PRKG2: variants seen among roughly 807,000 people sequenced by gnomAD.
The protein encoded by PRKG2 is protein kinase cGMP-dependent 2, also known as cGMP-dependent protein kinase 2.
PRKG2 carries 33 observed loss-of-function variants against 97.2 expected under a neutral mutation model. That is an observed-to-expected ratio of 0.34 (90% CI 0.26 to 0.45). The LOEUF (loss-of-function observed/expected upper bound fraction) is 0.45, where lower values mean the gene tolerates loss of function less well. Among genes scored for constraint, PRKG2 ranks in the 20% least tolerant of loss-of-function variants. The probability of loss-of-function intolerance (pLI) is 1.00; values close to 1 mark genes in which losing one functional copy is unlikely to be tolerated. For missense variants in PRKG2, 638 were observed against 900.0 expected, an observed-to-expected ratio of 0.71 and a Z score of 3.73; for synonymous variants, 330 against 321.8, an observed-to-expected ratio of 1.03 and a Z score of -0.27.
chr4:81,129,012 G>T (rs1745887425), intron 14 of PRKG2, among the ~76,000 whole-genome samples: 1 of 152,106 alleles, frequency 6.6e-6, no homozygotes, highest in Admixed American at 6.6e-5. Flanking sequence ...CTGGTATGTT[G>T]TGTCTTTGTT....
chr4:81,104,485 TATA>T (rs1280850189), intron 16 of PRKG2, 53 bp from the exon 17 acceptor site: 1 of 858,450 alleles, frequency 1.2e-6, no homozygotes, highest in African/African-American at 1.8e-5. Flanking sequence ...TTATAATAAT[TATA>T]ATTCAGAAAA....
At chr4:81,135,440 C>A in intron 13 of PRKG2, 144 bp from the exon 14 acceptor site, 1 of 746,106 alleles carries the variant, frequency 1.3e-6, no homozygotes, top group South Asian at 3.1e-5. Context: ...TTTTATACTA[C>A]CCATGAATTA....
chr4:81,217,365 C>G (rs1170783060), upstream of PRKG2, among the ~76,000 whole-genome samples: 9 of 152,108 alleles, frequency 5.9e-5, no homozygotes, highest in Non-Finnish European at 1.3e-4. Context: ...GCTGTCGATG[C>G]AGTGCAGGCT....
chr4:81,136,811 C>T (rs1746751159), intron 13 of PRKG2, among the ~76,000 whole-genome samples: 1 of 152,126 alleles, frequency 6.6e-6, no homozygotes, highest in Admixed American at 6.5e-5. Flanking sequence ...ACCTAATCTC[C>T]CAAGGAAACT....
chr4:81,113,957 A>G (rs1383703542), intron 14 of PRKG2, among the ~76,000 whole-genome samples: 1 of 152,184 alleles, frequency 6.6e-6, no homozygotes, highest in African/African-American at 2.4e-5. Flanking sequence ...ATATGGGATG[A>G]ATGAGTCTTT....
At chr4:81,100,346 T>C (rs555788382) in intron 17 of PRKG2, among the ~76,000 whole-genome samples, 1 of 152,194 alleles carries the variant, frequency 6.6e-6, no homozygotes, top group Non-Finnish European at 1.5e-5. Flanking sequence ...AAACAGCATG[T>C]TACTGGTACC....
chr4:81,191,948 G>A (rs1752559217), intron 2 of PRKG2, among the ~76,000 whole-genome samples: 1 of 152,076 alleles, frequency 6.6e-6, no homozygotes, highest in Admixed American at 6.6e-5. Context: ...TGGATATAAT[G>A]TACTACCCAG....
intron 5 of PRKG2, among the ~76,000 whole-genome samples, chr4:81,167,523 T>G (rs1365585510): frequency 6.6e-6 from 1 of 152,132 alleles, no homozygotes; most frequent in African/African-American, 2.4e-5. Flanking sequence ...ACATTTGTTG[T>G]TGGTTTTCAC....
chr4:81,121,496 G>A (rs1745065242), intron 14 of PRKG2, among the ~76,000 whole-genome samples: 1 of 152,140 alleles, frequency 6.6e-6, no homozygotes, highest in Non-Finnish European at 1.5e-5. Flanking sequence ...GGCCTATTCA[G>A]ATTGCCTATT....
rs547098263 is a variant in PRKG2 at position 81,163,540 on chromosome 4, C to A, written c.912+3621G>T. Among the ~76,000 whole-genome samples, 8 of 152,228 alleles carry A rather than the reference C, an allele frequency of 5.3e-5. No individual in the cohort carries two copies. In the East Asian group the frequency reaches 9.7e-4, roughly 18 times the overall value. On this transcript the variant is annotated intron_variant, in intron 6 of 18. Coordinates refer to ENST00000264399, the MANE Select transcript of PRKG2 (RefSeq NM_006259.3). The stretch of plus-strand genomic sequence containing the variant: ...TTTTTCAAAATAATACTTATACTTA[C>A]TATTCTGATTTTTTAAATGTTCCTC...
intron 17 of PRKG2, among the ~76,000 whole-genome samples, chr4:81,097,999 G>T (rs575358091): frequency 7.9e-5 from 12 of 152,248 alleles, no homozygotes; most frequent in African/African-American, 2.9e-4. Flanking sequence ...GAGGCAAGTT[G>T]ATTGGATTGA....
chr4:81,126,179 C>T (rs2110011205), intron 14 of PRKG2, among the ~76,000 whole-genome samples: 1 of 152,312 alleles, frequency 6.6e-6, no homozygotes, highest in South Asian at 2.1e-4. Context: ...TTTCCAGCTT[C>T]ATCCATGTCC....
At chr4:81,148,836 T>A (rs762134472) in intron 9 of PRKG2, 48 bp downstream of exon 9, 2 of 1,528,600 alleles carry the variant, frequency 1.3e-6, no homozygotes, top group Non-Finnish European at 1.8e-6. Context: ...GAAGGCCAAG[T>A]CTTCAAAGGT....
intron 14 of PRKG2, among the ~76,000 whole-genome samples, chr4:81,131,635 G>T (rs1411206622): frequency 1.3e-5 from 2 of 152,164 alleles, no homozygotes; most frequent in Admixed American, 6.5e-5. Context: ...GTGATTTACA[G>T]GTCTAGGATT....
At chr4:81,093,438 C>A (rs1323942685) in intron 17 of PRKG2, among the ~76,000 whole-genome samples, 1 of 151,486 alleles carries the variant, frequency 6.6e-6, no homozygotes, top group Non-Finnish European at 1.5e-5. Context: ...CTTTATCTTA[C>A]CCCCTTAGCA....
chr4:81,136,088 C>T (rs1746664768), intron 13 of PRKG2, among the ~76,000 whole-genome samples: 1 of 152,112 alleles, frequency 6.6e-6, no homozygotes, highest in South Asian at 2.1e-4. Flanking sequence ...ATTTTCTCAA[C>T]AAATTTGCCT....
chr4:81,189,222 T>C (rs956894498), intron 2 of PRKG2, among the ~76,000 whole-genome samples: 4 of 128,460 alleles, frequency 3.1e-5, no homozygotes, highest in Non-Finnish European at 6.0e-5. Flanking sequence ...TCTAAATTTT[T>C]ATCCTGTAGC....
chr4:81,105,356 A>G (rs577283907), intron 16 of PRKG2, among the ~76,000 whole-genome samples: 2 of 151,972 alleles, frequency 1.3e-5, no homozygotes, highest in African/African-American at 4.8e-5. Context: ...ATGTGTTCAA[A>G]TTTTTTAGCT....
chr4:81,217,032 T>TATATATATATAC (rs1491198217), upstream of PRKG2, among the ~76,000 whole-genome samples: 3 of 57,394 alleles, frequency 5.2e-5, no homozygotes, highest in Non-Finnish European at 9.4e-5. Flanking sequence ...ATATATTTTG[T>TATATATATATAC]ATATATATAT....
Sources: gnomAD v4.1 joint callset for allele counts (sites outside exome capture counted in the v4.1 genomes callset) on GRCh38, gnomAD v4.1.1 for gene constraint, MANE v1.5 for transcripts, NCBI Gene and HGNC (gene_info 2026-07-23, HGNC 2026-07-21) for gene names.